The following SLC20A2 variants were observed in gnomAD, a reference collection of about 807,000 sequenced individuals.
The protein encoded by SLC20A2 is solute carrier family 20 member 2, also known as sodium-dependent phosphate transporter 2.
SLC20A2 carries 30 observed loss-of-function variants against 61.0 expected under a neutral mutation model. That is an observed-to-expected ratio of 0.49 (90% CI 0.37 to 0.67). The LOEUF is 0.67. Among genes scored for constraint, SLC20A2 ranks in the 30% least tolerant of loss-of-function variants. The pLI, the probability that SLC20A2 is intolerant of heterozygous loss-of-function variation, is 0.00. For missense variants in SLC20A2, 626 were observed against 866.4 expected, an observed-to-expected ratio of 0.72 and a Z score of 3.48; for synonymous variants, 351 against 353.3, an observed-to-expected ratio of 0.99 and a Z score of 0.07.
At chr8:42,491,344 T>C (rs1809494587) in intron 1 of SLC20A2, among the ~76,000 whole-genome samples, 1 of 151,802 alleles carries the variant, frequency 6.6e-6, no homozygotes, top group South Asian at 2.1e-4. Flanking sequence ...ACCCCGTCTC[T>C]ACTAAAAAAA....
chr8:42,482,118 A>G (rs868352989), intron 1 of SLC20A2, among the ~76,000 whole-genome samples: 34 of 152,370 alleles, frequency 2.2e-4, no homozygotes, highest in Middle Eastern at 3.4e-3. Flanking sequence ...AAGATTTCGA[A>G]GGTACGACAT....
intron 5 of SLC20A2, among the ~76,000 whole-genome samples, chr8:42,445,273 C>A (rs1436191005): frequency 3.3e-5 from 5 of 151,868 alleles, no homozygotes; most frequent in Non-Finnish European, 7.4e-5. Context: ...GCCTGGGCAA[C>A]AGAGCGAGAC....
chr8:42,433,544 T>G (rs991050972), intron 8 of SLC20A2, among the ~76,000 whole-genome samples: 1 of 152,122 alleles, frequency 6.6e-6, no homozygotes, highest in East Asian at 1.9e-4. Flanking sequence ...AGGATGGTCT[T>G]GATCTCCTGA....
intron 1 of SLC20A2, among the ~76,000 whole-genome samples, chr8:42,507,883 G>A (rs778725119): frequency 1.2e-4 from 18 of 152,362 alleles, no homozygotes; most frequent in African/African-American, 3.1e-4. Flanking sequence ...AGGCTGGCCC[G>A]GCGCGGTGGC....
At chr8:42,451,122 G>A (rs1255860636) in intron 5 of SLC20A2, among the ~76,000 whole-genome samples, 1 of 152,074 alleles carries the variant, frequency 6.6e-6, no homozygotes, top group Non-Finnish European at 1.5e-5. Context: ...TGGATCAGAA[G>A]CAGCTGCAAC....
intron 10 of SLC20A2, among the ~76,000 whole-genome samples, chr8:42,421,736 G>C (rs930811294): frequency 6.6e-6 from 1 of 152,144 alleles, no homozygotes; most frequent in African/African-American, 2.4e-5. Flanking sequence ...CCCGGGAGGT[G>C]GAGGTTGTGG....
At chr8:42,486,140 C>CTGTGTGTGTGTGTGTG (rs59925363) in intron 1 of SLC20A2, among the ~76,000 whole-genome samples, 77 of 149,026 alleles carry the variant, frequency 5.2e-4, no homozygotes, top group African/African-American at 1.8e-3. Flanking sequence ...AGCTCTCTCA[C>CTGTGTGTGTGTGTGTG]TGTGTGTGTG....
intron 1 of SLC20A2, among the ~76,000 whole-genome samples, chr8:42,487,176 CT>C (rs553949254): frequency 0.46 from 45,250 of 98,050 alleles, 9,326 homozygotes; most frequent in African/African-American, 0.68. Flanking sequence ...TGGTTTCTTT[CT>C]TTTTTTTTTT....
rs535281791 is a variant in SLC20A2, at chr8:42,477,118, C to T, written c.-264-4464G>A. Among the ~76,000 whole-genome samples the T allele has an allele frequency of 2.0e-5, 3 of 152,314 alleles. 1 individual carries two copies. The South Asian group carries it at 6.2e-4, about 32-fold the overall frequency. On this transcript the variant is annotated intron_variant, in intron 1 of 10. Coordinates refer to ENST00000520262, the MANE Select transcript of SLC20A2 (RefSeq NM_001257180.2). ...GTTCTGTTCCTCTCTAGTGGCTGACCCTGGGTACCTCAACACGCTTTTTGA... is the reference window on the plus strand; with the variant it reads ...GTTCTGTTCCTCTCTAGTGGCTGACTCTGGGTACCTCAACACGCTTTTTGA...
At chr8:42,533,342 G>A (rs988680410) in intron 1 of SLC20A2, among the ~76,000 whole-genome samples, 2 of 152,142 alleles carry the variant, frequency 1.3e-5, no homozygotes, top group African/African-American at 4.8e-5. Flanking sequence ...TGGGCCAGGT[G>A]CAGTGGCTCA....
chr8:42,444,658 T>A lies in SLC20A2; in HGVS notation c.718A>T (p.Arg240Trp). The stretch of plus-strand genomic sequence containing the variant: ...AAAAGGCCCATACCTGTTATTTTCC[T>A]CCGCATCCACGGACACACGAAGAGC... ...VWLFVCPWMR[R>W]KITGKLQKEG... The change falls in exon 6 of 11, where the codon AGG becomes TGG. Residue 240 changes from arginine (R) to tryptophan (W), a missense_variant. By Grantham distance (101) the Arg-to-Trp change is moderately radical. Around this residue, in one of 3 missense-constraint regions of SLC20A2, gnomAD observed 361 missense variants for 422.3 expected, o/e 0.85. Coordinates refer to ENST00000520262, the MANE Select transcript of SLC20A2 (RefSeq NM_001257180.2). The A allele has an allele frequency of 6.2e-7, 1 of 1,613,288 alleles. No individual in the cohort carries two copies. The highest frequency in any genetic ancestry group is 1.3e-5 in the African/African-American group (1 of 74,984).
chr8:42,464,092 C>CTTTTTATTTTTTTTTTTTTT (rs1806934606), intron 3 of SLC20A2, among the ~76,000 whole-genome samples: 1 of 20,540 alleles, frequency 4.9e-5, no homozygotes, highest in African/African-American at 1.3e-4. Flanking sequence ...GCTGGATGAT[C>CTTTTTATTTTTTTTTTTTTT]TTTTTTTTTT....
chr8:42,541,477 C>T (rs1813152606), intron 1 of SLC20A2: 1 of 146,402 alleles, frequency 6.8e-6, no homozygotes, highest in Non-Finnish European at 1.5e-5. Flanking sequence ...ACTGGGGCCG[C>T]CGCTGCGTCT....
At chr8:42,448,868 A>G (rs1419311033) in intron 5 of SLC20A2, among the ~76,000 whole-genome samples, 1 of 152,236 alleles carries the variant, frequency 6.6e-6, no homozygotes. Context: ...GATGAGCACA[A>G]GGATTTACTT....
chr8:42,488,052 G>A (rs148037375), intron 1 of SLC20A2, among the ~76,000 whole-genome samples: 42 of 152,208 alleles, frequency 2.8e-4, no homozygotes, highest in Non-Finnish European at 3.7e-4. Context: ...GTTGCAGCAT[G>A]TATGAGGATT....
Position 42,472,544 on chromosome 8 carries a change from G to A in SLC20A2, c.-154C>T. 1.5e-6 allele frequency: 1 copy of A among 681,100 alleles called. No individual in the cohort carries two copies. 42.2% of individuals were successfully genotyped at this position (681,100 alleles called of 1,614,324 possible). A position where few individuals can be genotyped will look rare whatever the true frequency, so the allele number is the denominator to read the frequency against. ...ATGTTAGAGGCTGGACAAACTGCTA[G>A]CTGCTGGTTTGCAAACTACTGTCAG... On this transcript the variant is annotated 5_prime_UTR_variant, in exon 2 of 11. Transcript: ENST00000520262. The surrounding 1 kb of genome is among the most constrained non-coding windows in gnomAD (Gnocchi z 4.1).
rs761271064 is a variant in SLC20A2, at chr8:42,435,391, C to T, written c.1523+1598G>A. Reference sequence around the variant, plus strand: ...ATGACCGTGATGGCAAGAGCAGAAACGGACAGAAACCGAGCGAGTGGGGAG... The same window carrying T: ...ATGACCGTGATGGCAAGAGCAGAAATGGACAGAAACCGAGCGAGTGGGGAG... On this transcript the variant is annotated intron_variant, in intron 8 of 10. Transcript: ENST00000520262. 7.9e-5 allele frequency among the ~76,000 whole-genome samples: 12 copies of T among 152,242 alleles called. No homozygotes were observed. In the South Asian group the frequency reaches 1.7e-3, roughly 21 times the overall value.
At chr8:42,445,291 C>CA (rs1256200224) in intron 5 of SLC20A2, among the ~76,000 whole-genome samples, 6 of 150,174 alleles carry the variant, frequency 4.0e-5, no homozygotes, top group South Asian at 4.2e-4. Context: ...GACTCCATCT[C>CA]AAAAAAAACA....
intron 1 of SLC20A2, among the ~76,000 whole-genome samples, chr8:42,487,174 T>C (rs1353090974): frequency 1.7e-5 from 2 of 117,918 alleles, no homozygotes; most frequent in African/African-American, 3.9e-5. Context: ...CATGGTTTCT[T>C]TCTTTTTTTT....
Sources: allele counts gnomAD v4.1 joint callset (sites outside exome capture counted in the v4.1 genomes callset), GRCh38; gene constraint gnomAD v4.1.1; regional missense constraint gnomAD v4.1.1; non-coding constraint Gnocchi (gnomAD v3.1); transcripts MANE v1.5; gene names NCBI Gene and HGNC (gene_info 2026-07-23, HGNC 2026-07-21).